Variants in CNTN4 observed in about 807,000 individuals in gnomAD.
CNTN4 encodes contactin 4, also known as contactin-4.
In CNTN4, 77 loss-of-function variants were observed where a neutral mutation model predicts 122.5. The observed-to-expected ratio is 0.63, with a 90% CI of 0.52 to 0.76. The LOEUF (loss-of-function observed/expected upper bound fraction) is 0.76. Ranked by LOEUF, CNTN4 falls within the 30% of genes least tolerant of loss-of-function variation. CNTN4 has a pLI of 0.00. For missense variants in CNTN4, 1,256 were observed against 1,259.1 expected, an observed-to-expected ratio of 1.00 and a Z score of 0.04; for synonymous variants, 512 against 447.0, an observed-to-expected ratio of 1.15 and a Z score of -1.83.
intron 4 of CNTN4, among the ~76,000 whole-genome samples, chr3:2,639,482 C>T (rs1011092094): frequency 3.9e-5 from 6 of 152,318 alleles, no homozygotes; most frequent in Admixed American, 6.5e-5. Context: ...GCACTTCCCT[C>T]CACATTCATG....
chr3:3,008,974 G>C (rs1199301432), intron 14 of CNTN4: 1 of 985,142 alleles, frequency 1.0e-6, no homozygotes, highest in Non-Finnish European at 1.2e-6. Context: ...TTCAAACTTC[G>C]TCATTACAGA....
At chr3:2,672,005 G>A (rs1015496459) in intron 4 of CNTN4, among the ~76,000 whole-genome samples, 5 of 152,214 alleles carry the variant, frequency 3.3e-5, no homozygotes, top group African/African-American at 9.6e-5. Context: ...CCGGCCATGT[G>A]AGGTGTCAGT....
intron 4 of CNTN4, among the ~76,000 whole-genome samples, chr3:2,582,430 A>G (rs2079985807): frequency 6.7e-6 from 1 of 149,344 alleles, no homozygotes; most frequent in Non-Finnish European, 1.5e-5. Flanking sequence ...TCCGTTATGG[A>G]GCTTCCCTGT....
At chr3:2,850,752 A>T (rs2093536354) in intron 7 of CNTN4, among the ~76,000 whole-genome samples, 1 of 152,240 alleles carries the variant, frequency 6.6e-6, no homozygotes, top group African/African-American at 2.4e-5. Flanking sequence ...AACCTGTAGA[A>T]ATAGATTTGT....
intron 24 of CNTN4, 151 bp downstream of exon 24, chr3:3,054,126 C>A: frequency 1.2e-6 from 1 of 843,242 alleles, no homozygotes; most frequent in Non-Finnish European, 1.9e-6. Context: ...TGTTTGCTGG[C>A]CATAGGCAGT....
intron 3 of CNTN4, among the ~76,000 whole-genome samples, chr3:2,529,053 T>A (rs2077501642): frequency 6.6e-6 from 1 of 152,122 alleles, no homozygotes; most frequent in East Asian, 1.9e-4. Context: ...AACTGATTTA[T>A]CCTATCTGCC....
At chr3:2,116,583 A>AAC (rs763508003) in intron 2 of CNTN4, among the ~76,000 whole-genome samples, 2 of 152,130 alleles carry the variant, frequency 1.3e-5, no homozygotes, top group Non-Finnish European at 2.9e-5. Context: ...TGTTCTGTGG[A>AAC]ACACTAATTC....
At chr3:2,466,936 A>C (rs1229967450) in intron 3 of CNTN4, among the ~76,000 whole-genome samples, 1 of 149,746 alleles carries the variant, frequency 6.7e-6, no homozygotes, top group Non-Finnish European at 1.5e-5. Flanking sequence ...TTTCTTCGTT[A>C]AATTAGTTTT....
Position 2,663,199 on chromosome 3 carries a change from G to A in CNTN4, c.56-73016G>A, listed in dbSNP as rs528953046. 7.4e-4 allele frequency among the ~76,000 whole-genome samples: 112 copies of A among 152,188 alleles called. 1 individual carries two copies. Among genetic ancestry groups the A allele is most frequent in the African/African-American group, 2.6e-3 (110 of 41,520 alleles). On this transcript the variant is annotated intron_variant, in intron 4 of 24. Coordinates refer to ENST00000418658, the MANE Select transcript of CNTN4 (RefSeq NM_175607.3). The stretch of plus-strand genomic sequence containing the variant: ...TGTATTTTACTTTTTCAATGATGGC[G>A]ATTTATTAAAGAATCTAAAAATCAT...
chr3:2,833,479 C>G (rs1315204457), intron 7 of CNTN4, among the ~76,000 whole-genome samples: 12 of 152,078 alleles, frequency 7.9e-5, no homozygotes, highest in Admixed American at 7.9e-4. Flanking sequence ...AAAGACAGGT[C>G]ATCAGTGTGT....
intron 6 of CNTN4, among the ~76,000 whole-genome samples, chr3:2,770,882 T>A (rs1461306560): frequency 6.6e-6 from 1 of 152,200 alleles, no homozygotes; most frequent in Non-Finnish European, 1.5e-5. Context: ...ACACACACAA[T>A]GCATATCCAG....
At chr3:2,239,568 C>G (rs1045623135) in intron 2 of CNTN4, among the ~76,000 whole-genome samples, 1 of 152,158 alleles carries the variant, frequency 6.6e-6, no homozygotes, top group African/African-American at 2.4e-5. Context: ...TCCCTAAGCT[C>G]AGTTCCTTAT....
At chr3:2,911,212 G>A (rs1028786130) in intron 12 of CNTN4, among the ~76,000 whole-genome samples, 1 of 152,124 alleles carries the variant, frequency 6.6e-6, no homozygotes, top group Non-Finnish European at 1.5e-5. Flanking sequence ...TTATCAACAT[G>A]GCTTGGTCTG....
At chr3:2,410,264 T>C (rs186629164) in intron 3 of CNTN4, among the ~76,000 whole-genome samples, 29 of 152,358 alleles carry the variant, frequency 1.9e-4, no homozygotes, top group Admixed American at 3.9e-4. Context: ...TGTCTCTAAC[T>C]CATCCTTCTC....
intron 8 of CNTN4, among the ~76,000 whole-genome samples, chr3:2,877,224 A>G (rs1348021169): frequency 6.6e-6 from 1 of 152,216 alleles, no homozygotes; most frequent in East Asian, 1.9e-4. Context: ...GATCTGTGTT[A>G]CCACAGTGTG....
intron 12 of CNTN4, 27 bp from the exon 13 acceptor site, chr3:2,925,602 A>G (rs2094466417): frequency 1.2e-6 from 2 of 1,607,426 alleles, no homozygotes; most frequent in African/African-American, 1.3e-5. Context: ...GTCTTGCATA[A>G]TAATTATTTT....
intron 3 of CNTN4, among the ~76,000 whole-genome samples, chr3:2,491,392 A>T (rs114882383): frequency 0.019 from 2,871 of 152,308 alleles, 96 homozygotes; most frequent in African/African-American, 0.065. Context: ...CATGAAAAGA[A>T]AAAATACACG....
At chr3:2,441,066 A>T (rs2048423027) in intron 3 of CNTN4, among the ~76,000 whole-genome samples, 3 of 151,910 alleles carry the variant, frequency 2.0e-5, no homozygotes, top group South Asian at 2.1e-4. Flanking sequence ...TTAATTCAGG[A>T]TTGGAATTGA....
chr3:2,449,848 A>G (rs1024290218), intron 3 of CNTN4, among the ~76,000 whole-genome samples: 1 of 152,184 alleles, frequency 6.6e-6, no homozygotes, highest in Non-Finnish European at 1.5e-5. Flanking sequence ...CAGACACAGG[A>G]GTCCAAATAC....
Sources: gnomAD v4.1 joint callset for allele counts (sites outside exome capture counted in the v4.1 genomes callset) on GRCh38, gnomAD v4.1.1 for gene constraint, MANE v1.5 for transcripts, NCBI Gene and HGNC (gene_info 2026-07-23, HGNC 2026-07-21) for gene names.